PLCD4: variants seen among roughly 807,000 people sequenced by gnomAD.
PLCD4 encodes phospholipase C delta 4.
PLCD4 carries 63 observed loss-of-function variants against 90.2 expected under a neutral mutation model. The ratio of observed to expected loss-of-function variants is 0.70; its 90% CI spans 0.57 to 0.86. PLCD4 has a LOEUF of 0.86. Among genes scored for constraint, PLCD4 ranks in the 40% least tolerant of loss-of-function variants. The pLI is 0.00. For synonymous variants in PLCD4, 294 were observed against 356.5 expected, an observed-to-expected ratio of 0.82 and a Z score of 1.97; for missense variants, 830 against 956.3, an observed-to-expected ratio of 0.87 and a Z score of 1.74.
intron 6 of PLCD4, among the ~76,000 whole-genome samples, chr2:218,627,159 C>G (rs1696153681): frequency 6.6e-6 from 1 of 151,102 alleles, no homozygotes; most frequent in African/African-American, 2.4e-5. Context: ...TACTCGGGAG[C>G]CTGAGGCAGG....
chr2:218,618,540 TC>T, intron 3 of PLCD4, 38 bp from the exon 4 acceptor site: 2 of 1,570,202 alleles, frequency 1.3e-6, no homozygotes, highest in Non-Finnish European at 1.8e-6. Context: ...TTTGTTGGAA[TC>T]CCTTCCTTAA....
intron 4 of PLCD4, among the ~76,000 whole-genome samples, chr2:218,620,297 A>C (rs1288079823): frequency 6.6e-6 from 1 of 152,154 alleles, no homozygotes; most frequent in Non-Finnish European, 1.5e-5. Flanking sequence ...TGAGGCCAGG[A>C]GTTCGACATC....
chr2:218,618,869 T>TTTA, intron 4 of PLCD4, 62 bp downstream of exon 4: 1 of 1,485,624 alleles, frequency 6.7e-7, no homozygotes, highest in South Asian at 1.2e-5. Context: ...AGGAGCCAGA[T>TTTA]GCAACAGGTT....
chr2:218,634,380 A>G lies in PLCD4; in HGVS notation c.1724-78A>G, dbSNP rs1696587978. On this transcript the variant is annotated intron_variant, in intron 12 of 15. Coordinates refer to ENST00000450993, the MANE Select transcript of PLCD4 (RefSeq NM_032726.4). This position sits in a 1 kb window ranked among gnomAD's most constrained non-coding sequence, Gnocchi z 4.0. ...AGCAGGTACCGTGCACCCAGTACCT[A>G]TCTTCTTAACTCCCTGAAAGAGGGG... The G allele has an allele frequency of 1.9e-6, 3 of 1,573,038 alleles. No homozygotes were observed. The highest frequency in any genetic ancestry group is 2.4e-5 in the South Asian group (2 of 84,440).
At chr2:218,624,719 CAAAA>C (rs766656849) in intron 6 of PLCD4, among the ~76,000 whole-genome samples, 1 of 58,066 alleles carries the variant, frequency 1.7e-5, no homozygotes, top group Admixed American at 1.9e-4. Context: ...GACTCTGTCT[CAAAA>C]AAAAAAAAAA....
chr2:218,634,631 G>A lies in PLCD4; in HGVS notation c.1896+1G>A. On this transcript the variant is annotated splice_donor_variant, in intron 13 of 15. Transcript: ENST00000450993. LOFTEE classifies it high-confidence loss of function. The surrounding 1 kb of genome is among the most constrained non-coding windows in gnomAD (Gnocchi z 4.0). ...CAAAGCCCAGACTCTCTTAATCCAG[G>A]TACAGTGGAAATAAACTGTTGGGAA... The A allele has an allele frequency of 6.2e-7, 1 of 1,612,746 alleles. No homozygotes were observed. Among genetic ancestry groups the A allele is most frequent in the Non-Finnish European group, 8.5e-7 (1 of 1,179,412 alleles).
At position 218,629,565 on chromosome 2, in the gene PLCD4, G is replaced by A. The variant is rs762257541; in HGVS notation, c.1021G>A (p.Gly341Arg). 1.2e-5 allele frequency: 19 copies of A among 1,613,678 alleles called. No homozygotes were observed. In the Admixed American group the frequency reaches 2.3e-4, roughly 20 times the overall value. ...CRCVEVDVWD[G>R]PSGEPVVYHG... Reference sequence around the variant, plus strand: ...CTGCGTGGAGGTGGATGTATGGGATGGACCTAGCGGGGAACCTGTCGTTTA... The same window carrying A: ...CTGCGTGGAGGTGGATGTATGGGATAGACCTAGCGGGGAACCTGTCGTTTA... Residue 341 changes from glycine to arginine, a missense_variant, in exon 8 of 16, where the codon GGA becomes AGA. Physicochemically the swap from Gly to Arg is moderately radical, Grantham distance 125. Coordinates refer to ENST00000450993, the MANE Select transcript of PLCD4 (RefSeq NM_032726.4).
At chr2:218,621,202 G>A (rs907673649) in intron 4 of PLCD4, among the ~76,000 whole-genome samples, 1 of 152,212 alleles carries the variant, frequency 6.6e-6, no homozygotes, top group African/African-American at 2.4e-5. Flanking sequence ...CAAAGTGTTG[G>A]GTTACAGGCA....
Position 218,636,965 on chromosome 2 carries a change from A to C in PLCD4, c.*388A>C, listed in dbSNP as rs895534439. On this transcript the variant is annotated 3_prime_UTR_variant, in exon 16 of 16. Transcript: ENST00000450993. ...GGGCTTGGAATAGAGAAACCTAAAG[A>C]AGCATCATCCCCTCCATCCCCAACT... The C allele has an allele frequency of 2.2e-6, 1 of 456,332 alleles. No individual in the cohort carries two copies. Among genetic ancestry groups the C allele is most frequent in the Non-Finnish European group, 4.4e-6 (1 of 227,282 alleles). 28.3% of individuals were successfully genotyped at this position (456,332 alleles called of 1,614,324 possible). A position where few individuals can be genotyped will look rare whatever the true frequency, so the allele number is the denominator to read the frequency against.
At chr2:218,635,584 C>T (rs758129277) in intron 13 of PLCD4, among the ~76,000 whole-genome samples, 4 of 152,196 alleles carry the variant, frequency 2.6e-5, no homozygotes, top group Non-Finnish European at 5.9e-5. Context: ...CTGCCCACCT[C>T]GGCCTCCTGA....
At chr2:218,615,572 C>T (rs1323627559) in intron 1 of PLCD4, 135 bp from the exon 2 acceptor site, 10 of 631,122 alleles carry the variant, frequency 1.6e-5, no homozygotes, top group African/African-American at 9.1e-5. Context: ...AATTCTGATC[C>T]TTATGTGATT....
At chr2:218,613,392 CAAAA>C (rs36096465) in intron 1 of PLCD4, among the ~76,000 whole-genome samples, 9 of 76,758 alleles carry the variant, frequency 1.2e-4, no homozygotes, top group East Asian at 4.0e-4. Context: ...AGTCTGTCTC[CAAAA>C]AAAAAAAAAA....
intron 3 of PLCD4, among the ~76,000 whole-genome samples, chr2:218,616,726 T>TATACATACATAC (rs61259761): frequency 0.49 from 62,796 of 128,350 alleles, 16,970 homozygotes; most frequent in East Asian, 0.76. Flanking sequence ...AAAATACATA[T>TATACATACATAC]ATACATACAT....
At chr2:218,618,497 G>A (rs141965038) in intron 3 of PLCD4, 82 bp from the exon 4 acceptor site, 4 of 1,206,208 alleles carry the variant, frequency 3.3e-6, no homozygotes, top group African/African-American at 1.5e-5. Flanking sequence ...CATGGAGAAG[G>A]GGGTGCTGGT....
intron 3 of PLCD4, among the ~76,000 whole-genome samples, chr2:218,616,927 T>TATATATAGAGAGAG (rs1553571947): frequency 1.5e-4 from 2 of 13,764 alleles, no homozygotes; most frequent in Non-Finnish European, 2.5e-4. Context: ...TATATATATA[T>TATATATAGAGAGAG]AGAGAGAGAG....
intron 6 of PLCD4, among the ~76,000 whole-genome samples, chr2:218,624,909 G>C (rs972711594): frequency 5.3e-5 from 8 of 151,722 alleles, no homozygotes; most frequent in African/African-American, 1.9e-4. Context: ...TCAGGAGTTT[G>C]AGAACAGCCT....
chr2:218,610,223 G>A (rs1424709185), intron 1 of PLCD4, among the ~76,000 whole-genome samples: 2 of 151,824 alleles, frequency 1.3e-5, no homozygotes, highest in East Asian at 1.9e-4. Context: ...TGAGATGAAA[G>A]AGGCTGGGCA....
At chr2:218,619,992 C>G (rs1250746589) in intron 4 of PLCD4, among the ~76,000 whole-genome samples, 2 of 152,188 alleles carry the variant, frequency 1.3e-5, no homozygotes, top group Non-Finnish European at 2.9e-5. Context: ...ATCCTCCCAC[C>G]TCAGCTTCCC....
rs1456534573 is a variant in PLCD4 at position 218,616,958 on chromosome 2, A to T, written c.181+896A>T. Among the ~76,000 whole-genome samples the T allele has an allele frequency of 3.4e-4, 30 of 89,198 alleles. 1 individual carries two copies. Among genetic ancestry groups the T allele is most frequent in the African/African-American group, 1.3e-3 (28 of 22,150 alleles). The allele number at this position is 89,198 out of a possible 152,430, so 58.5% of individuals were successfully genotyped here. A position where few individuals can be genotyped will look rare whatever the true frequency, so the allele number is the denominator to read the frequency against. On this transcript the variant is annotated intron_variant, in intron 3 of 15. Coordinates refer to ENST00000450993, the MANE Select transcript of PLCD4 (RefSeq NM_032726.4). ...GAGAGAGAGAGAGAGAGAGAGAGAG[A>T]GAGAGAGAGAGAGAGAGAGAGAGAG...
Sources: allele counts gnomAD v4.1 joint callset (sites outside exome capture counted in the v4.1 genomes callset), GRCh38; gene constraint gnomAD v4.1.1; non-coding constraint Gnocchi (gnomAD v3.1); transcripts MANE v1.5; gene names NCBI Gene and HGNC (gene_info 2026-07-23, HGNC 2026-07-21).